NAPA: variants seen among roughly 807,000 people sequenced by gnomAD.
NAPA encodes the protein NSF attachment protein alpha, also known as alpha-soluble NSF attachment protein.
Under a neutral mutation model 48.0 loss-of-function variants are expected in NAPA, and 18 were observed. The ratio of observed to expected loss-of-function variants is 0.38; its 90% CI spans 0.26 to 0.56. The LOEUF is 0.56. Among genes scored for constraint, NAPA ranks in the 20% least tolerant of loss-of-function variants. The pLI, the probability that NAPA is intolerant of heterozygous loss-of-function variation, is 0.77. For missense variants in NAPA, 315 were observed against 385.0 expected (o/e 0.82, Z 1.52); for synonymous variants, 152 against 149.9 (o/e 1.01, Z -0.10).
At chr19:47,503,341 C>A in intron 2 of NAPA, 82 bp downstream of exon 2, 1 of 1,334,114 alleles carries the variant, frequency 7.5e-7, no homozygotes, top group South Asian at 1.2e-5. Context: ...CCCTCAAGGC[C>A]AACCTCTCGG....
intron 1 of NAPA, among the ~76,000 whole-genome samples, chr19:47,508,479 A>C (rs760383445): frequency 9.9e-5 from 15 of 152,218 alleles, no homozygotes; most frequent in Admixed American, 3.3e-4. Context: ...CCAGTTAACA[A>C]CGGTGAAAGA....
intron 7 of NAPA, 187 bp from the exon 8 acceptor site, chr19:47,492,306 G>A (rs1267722689): frequency 3.5e-6 from 2 of 574,728 alleles, no homozygotes; most frequent in Admixed American, 3.0e-5. Flanking sequence ...GTGCGTGAGC[G>A]ACCAAGATCA....
intron 1 of NAPA, among the ~76,000 whole-genome samples, chr19:47,514,288 C>T (rs1024043394): frequency 2.0e-5 from 3 of 152,114 alleles, no homozygotes; most frequent in African/African-American, 7.2e-5. Flanking sequence ...TGTCAGCCCC[C>T]TTCAGCCTTC....
downstream of NAPA, among the ~76,000 whole-genome samples, chr19:47,486,214 G>A (rs1315101466): frequency 2.0e-5 from 3 of 152,114 alleles, no homozygotes; most frequent in Non-Finnish European, 4.4e-5. Flanking sequence ...AATTAGCTGG[G>A]CGTGGTGGCG....
chr19:47,507,704 G>T (rs1968720320), intron 1 of NAPA, among the ~76,000 whole-genome samples: 1 of 152,188 alleles, frequency 6.6e-6, no homozygotes, highest in Non-Finnish European at 1.5e-5. Context: ...CGGCTCTCGA[G>T]ACCATGTGCC....
At chr19:47,488,489 A>C in intron 10 of NAPA, 100 bp from the exon 11 acceptor site, 1 of 878,264 alleles carries the variant, frequency 1.1e-6, no homozygotes, top group Non-Finnish European at 1.8e-6. Flanking sequence ...TGTCTCTGTC[A>C]CCCCTGGTCT....
Position 47,514,832 on chromosome 19 carries a change from C to A in NAPA, c.98+11G>T, listed in dbSNP as rs768416863. 6 of 1,612,898 alleles carry A rather than the reference C, an allele frequency of 3.7e-6. No homozygotes were observed. Among genetic ancestry groups the A allele is most frequent in the Admixed American group, 1.7e-5 (1 of 59,944 alleles). On this transcript the variant is annotated intron_variant, in intron 1 of 10. Transcript: ENST00000263354. ...CCTAGGTCCCGGCCGACCCCTCAGC[C>A]CGGTTCTCACCCAAAGAGGCCAGAG...
At chr19:47,507,858 CA>C (rs1968723569) in intron 1 of NAPA, among the ~76,000 whole-genome samples, 1 of 152,194 alleles carries the variant, frequency 6.6e-6, no homozygotes, top group South Asian at 2.1e-4. Context: ...AGGGCTTGTC[CA>C]AGCTTACCCT....
chr19:47,490,918 T>C (rs1968248845), intron 8 of NAPA, 62 bp from the exon 9 acceptor site: 1 of 1,467,148 alleles, frequency 6.8e-7, no homozygotes, highest in Non-Finnish European at 9.5e-7. Flanking sequence ...GCTACTGGCC[T>C]AGCAGCTGAG....
In NAPA at chr19:47,493,264, C is replaced by A; in HGVS notation, c.421-90G>T. ...CTTCCACACCCTCCGCCCTGCCTGC[C>A]TGGGACACAGCCAGACCCCATTCTC... On this transcript the variant is annotated intron_variant, in intron 5 of 10. Transcript: ENST00000263354. This position sits in a 1 kb window ranked among gnomAD's most constrained non-coding sequence, Gnocchi z 6.4. The A allele has an allele frequency of 6.7e-7, 1 of 1,499,440 alleles. No individual in the cohort carries two copies. Among genetic ancestry groups the A allele is most frequent in the Non-Finnish European group, 9.1e-7 (1 of 1,096,494 alleles). 92.9% of individuals were successfully genotyped at this position (1,499,440 alleles called of 1,614,324 possible).
rs762496738 is a variant in NAPA, at chr19:47,503,349, C to G, written c.178+74G>C. 3 of 1,388,816 alleles carry G rather than the reference C, an allele frequency of 2.2e-6. No individual in the cohort carries two copies. In the South Asian group the frequency reaches 3.5e-5, roughly 16 times the overall value. 86.0% of individuals were successfully genotyped at this position (1,388,816 alleles called of 1,614,324 possible). Reference sequence around the variant, plus strand: ...GAAAGGGCCCTCAAGGCCAACCTCTCGGGCAGGCCTGTGTGAGTGGAAGCT... The same window carrying G: ...GAAAGGGCCCTCAAGGCCAACCTCTGGGGCAGGCCTGTGTGAGTGGAAGCT... On this transcript the variant is annotated intron_variant, in intron 2 of 10. Transcript: ENST00000263354.
chr19:47,500,613 T>C lies in NAPA; in HGVS notation c.295+20A>G. 6.3e-7 allele frequency: 1 copy of C among 1,579,566 alleles called. No individual in the cohort carries two copies. Among genetic ancestry groups the C allele is most frequent in the Non-Finnish European group, 8.6e-7 (1 of 1,161,240 alleles). On this transcript the variant is annotated intron_variant, in intron 3 of 10. Transcript: ENST00000263354. ...TGGCGCTCCGGACAGCCAGCCCGTG[T>C]GGCCCGCAGAGGCCCTCACCTTGGG...
chr19:47,501,197 C>A (rs1968568655), intron 2 of NAPA, among the ~76,000 whole-genome samples: 1 of 152,132 alleles, frequency 6.6e-6, no homozygotes, highest in South Asian at 2.1e-4. Context: ...CTGCACCTCC[C>A]GGCCTGGGCA....
rs536373568 is a variant in NAPA, at chr19:47,495,727, G to A, written c.296-131C>T. On this transcript the variant is annotated intron_variant, in intron 3 of 10. Transcript: ENST00000263354. ...TCAATAGGCGCTCAGAGCTGCCAGC[G>A]CTGCCACACACTCTCAAGGGGCTGG... is the stretch of plus-strand genomic sequence containing the variant. The A allele has an allele frequency of 5.5e-4, 435 of 791,790 alleles. 1 individual carries two copies. The African/African-American group carries it at 5.7e-3, about 10-fold the overall frequency. The allele number at this position is 791,790 out of a possible 1,614,324, so 49.0% of individuals were successfully genotyped here.
At chr19:47,492,254 A>G in intron 7 of NAPA, 135 bp from the exon 8 acceptor site, 1 of 720,144 alleles carries the variant, frequency 1.4e-6, no homozygotes, top group South Asian at 1.7e-5. Flanking sequence ...CAGGACCCCA[A>G]GGGCAGGGAG....
chr19:47,503,078 A>C (rs1486206802), intron 2 of NAPA, among the ~76,000 whole-genome samples: 3 of 152,230 alleles, frequency 2.0e-5, no homozygotes, highest in Non-Finnish European at 4.4e-5. Flanking sequence ...ATCCTCCCCC[A>C]GCCTAGAATT....
intron 3 of NAPA, among the ~76,000 whole-genome samples, chr19:47,499,354 T>C (rs1968513948): frequency 6.6e-6 from 1 of 152,244 alleles, no homozygotes; most frequent in Non-Finnish European, 1.5e-5. Flanking sequence ...ACAGCACCTC[T>C]AGGCCAACCA....
chr19:47,485,299 C>A (rs2122709435), downstream of NAPA, among the ~76,000 whole-genome samples: 1 of 152,226 alleles, frequency 6.6e-6, no homozygotes, highest in African/African-American at 2.4e-5. Context: ...GTTTATTATC[C>A]CAGTTTAGAG....
rs768871805 is a variant in NAPA at position 47,495,051 on chromosome 19, G to A, written c.342+499C>T. 4.4e-4 allele frequency: 68 copies of A among 155,678 alleles called. 1 individual carries two copies. Among genetic ancestry groups the A allele is most frequent in the Admixed American group, 1.3e-3 (21 of 15,628 alleles). 9.6% of individuals were successfully genotyped at this position (155,678 alleles called of 1,614,324 possible). On this transcript the variant is annotated intron_variant, in intron 4 of 10. Transcript: ENST00000263354. Reference sequence around the variant, plus strand: ...AGGGTCTTGTTTTGTCGCCTACGCTGGAGTGCAGTGGTGTGATCACAGCTC... The same window carrying A: ...AGGGTCTTGTTTTGTCGCCTACGCTAGAGTGCAGTGGTGTGATCACAGCTC...
Sources: allele counts gnomAD v4.1 joint callset (sites outside exome capture counted in the v4.1 genomes callset), GRCh38; gene constraint gnomAD v4.1.1; non-coding constraint Gnocchi (gnomAD v3.1); transcripts MANE v1.5; gene names NCBI Gene and HGNC (gene_info 2026-07-23, HGNC 2026-07-21).